The following RSU1 variants were observed in gnomAD, a reference collection of about 807,000 sequenced individuals.
The protein encoded by RSU1 is rsu-1.
In RSU1, 26 loss-of-function variants were observed where a neutral mutation model predicts 31.1. The observed-to-expected ratio is 0.84, with a 90% CI of 0.61 to 1.16. The LOEUF is 1.16. Among genes scored for constraint, RSU1 ranks in the 50% most tolerant of loss-of-function variants. The pLI, the probability that RSU1 is intolerant of heterozygous loss-of-function variation, is 0.00. For synonymous variants in RSU1, 164 were observed against 136.3 expected (o/e 1.20, Z -1.41); for missense variants, 320 against 339.1 (o/e 0.94, Z 0.44).
At chr10:16,670,328 T>C (rs1213117481) in intron 8 of RSU1, among the ~76,000 whole-genome samples, 1 of 152,184 alleles carries the variant, frequency 6.6e-6, no homozygotes, top group African/African-American at 2.4e-5. Flanking sequence ...TTTTATTCCA[T>C]GGTAAGATCC....
chr10:16,804,699 CA>C (rs1838228414), intron 2 of RSU1, among the ~76,000 whole-genome samples: 1 of 152,088 alleles, frequency 6.6e-6, no homozygotes, highest in Non-Finnish European at 1.5e-5. Context: ...TGTTGCTAAG[CA>C]AAAGTAGCCA....
intron 8 of RSU1, among the ~76,000 whole-genome samples, chr10:16,637,077 C>T (rs1033675919): frequency 6.6e-6 from 1 of 152,188 alleles, no homozygotes; most frequent in Non-Finnish European, 1.5e-5. Flanking sequence ...TTATTTCCTG[C>T]AACCAAAGCA....
At chr10:16,689,755 TA>T in intron 8 of RSU1, among the ~76,000 whole-genome samples, 1 of 152,182 alleles carries the variant, frequency 6.6e-6, no homozygotes, top group African/African-American at 2.4e-5. Flanking sequence ...CATTTAAGGT[TA>T]AAAAAACGGA....
intron 7 of RSU1, among the ~76,000 whole-genome samples, chr10:16,726,031 G>A (rs982351980): frequency 1.3e-5 from 2 of 150,924 alleles, no homozygotes; most frequent in Non-Finnish European, 2.9e-5. Flanking sequence ...GTATATATGT[G>A]TATATACATA....
intron 8 of RSU1, among the ~76,000 whole-genome samples, chr10:16,660,643 C>CTT (rs1483500175): frequency 2.1e-5 from 1 of 47,572 alleles, no homozygotes; most frequent in Non-Finnish European, 3.6e-5. Flanking sequence ...TTCTTGAACT[C>CTT]TCTTTTTTTT....
chr10:16,715,812 G>A (rs189872152), intron 7 of RSU1, among the ~76,000 whole-genome samples: 1 of 152,122 alleles, frequency 6.6e-6, no homozygotes, highest in Non-Finnish European at 1.5e-5. Context: ...ATGAACTTTA[G>A]GGTGGGATTT....
At chr10:16,683,890 G>T (rs1032438218) in intron 8 of RSU1, among the ~76,000 whole-genome samples, 3 of 152,208 alleles carry the variant, frequency 2.0e-5, no homozygotes, top group African/African-American at 7.2e-5. Context: ...GGGTCTTCTA[G>T]GCTTTAGGTA....
chr10:16,733,182 T>C (rs751136132), intron 7 of RSU1, among the ~76,000 whole-genome samples: 12 of 152,086 alleles, frequency 7.9e-5, no homozygotes, highest in Admixed American at 3.3e-4. Flanking sequence ...TGCAAAGTTA[T>C]ATAAATCTTA....
At chr10:16,789,186 T>C (rs1226281147) in intron 2 of RSU1, among the ~76,000 whole-genome samples, 1 of 152,206 alleles carries the variant, frequency 6.6e-6, no homozygotes, top group East Asian at 1.9e-4. Flanking sequence ...GGAGAGAAAC[T>C]AAAAAAGTTT....
At chr10:16,609,667 C>T (rs576742084) in intron 8 of RSU1, among the ~76,000 whole-genome samples, 20 of 152,322 alleles carry the variant, frequency 1.3e-4, no homozygotes, top group African/African-American at 3.1e-4. Flanking sequence ...CTGTAACAAT[C>T]GTCTCCTACT....
intron 3 of RSU1, among the ~76,000 whole-genome samples, chr10:16,766,560 C>A (rs1302810036): frequency 1.3e-5 from 2 of 152,002 alleles, no homozygotes; most frequent in African/African-American, 4.8e-5. Flanking sequence ...ACTAAAAATA[C>A]AAAAATTAGC....
At chr10:16,697,444 G>A (rs1403224320) in intron 7 of RSU1, among the ~76,000 whole-genome samples, 2 of 152,130 alleles carry the variant, frequency 1.3e-5, no homozygotes, top group Admixed American at 1.3e-4. Flanking sequence ...ATCACTTGAG[G>A]TCAGGAGTTC....
In RSU1 at chr10:16,812,357, G is replaced by A. The variant is rs187118878; in HGVS notation, c.109+4616C>T. Among the ~76,000 whole-genome samples the A allele has an allele frequency of 4.2e-3, 646 of 152,310 alleles. 4 individuals are homozygous for A. Among genetic ancestry groups the A allele is most frequent in the African/African-American group, 0.014 (584 of 41,566 alleles). On this transcript the variant is annotated intron_variant, in intron 2 of 8. Transcript: ENST00000345264. ...CTGGGGAGGCTGAGGCAGGAGAATC[G>A]CTTGAACCCAAGAGGTGGAGGCTGC...
At chr10:16,729,714 T>C (rs1836468475) in intron 7 of RSU1, among the ~76,000 whole-genome samples, 1 of 152,226 alleles carries the variant, frequency 6.6e-6, no homozygotes, top group South Asian at 2.1e-4. Context: ...ATGGCATTGA[T>C]ATCACTGTTT....
Position 16,816,962 on chromosome 10 carries a change from C to T in RSU1, c.109+11G>A. ...AGCTCATCCACGGGAGAGTCCTGCC[C>T]GAGAACTCACAGAGGCCGTTGACAT... On this transcript the variant is annotated intron_variant, in intron 2 of 8. Coordinates refer to ENST00000345264, the MANE Select transcript of RSU1 (RefSeq NM_012425.4). The T allele has an allele frequency of 1.9e-6, 3 of 1,587,568 alleles. No individual in the cohort carries two copies. Among genetic ancestry groups the T allele is most frequent in the Non-Finnish European group, 2.6e-6 (3 of 1,155,792 alleles).
At chr10:16,764,136 C>G (rs1837263945) in intron 4 of RSU1, among the ~76,000 whole-genome samples, 1 of 152,058 alleles carries the variant, frequency 6.6e-6, no homozygotes, top group South Asian at 2.1e-4. Context: ...TTTTACTGGA[C>G]AGAAAATACA....
At chr10:16,622,621 G>A (rs1053804646) in intron 8 of RSU1, among the ~76,000 whole-genome samples, 2 of 152,168 alleles carry the variant, frequency 1.3e-5, no homozygotes, top group Non-Finnish European at 2.9e-5. Context: ...GAAAAAAAAT[G>A]TTGAATGGCA....
At chr10:16,760,615 T>C (rs1391634340) in intron 4 of RSU1, among the ~76,000 whole-genome samples, 4 of 152,174 alleles carry the variant, frequency 2.6e-5, no homozygotes, top group Non-Finnish European at 5.9e-5. Flanking sequence ...TTGAGCTTAT[T>C]ATCTTCTTCC....
chr10:16,695,575 G>C (rs1007577580), intron 7 of RSU1, among the ~76,000 whole-genome samples: 1 of 152,180 alleles, frequency 6.6e-6, no homozygotes, highest in Non-Finnish European at 1.5e-5. Context: ...AATCAAGACA[G>C]CGTATGAATG....
Sources: allele counts gnomAD v4.1 joint callset (sites outside exome capture counted in the v4.1 genomes callset), GRCh38; gene constraint gnomAD v4.1.1; transcripts MANE v1.5; gene names NCBI Gene and HGNC (gene_info 2026-07-23, HGNC 2026-07-21).